ZNF124: variants seen among roughly 807,000 people sequenced by gnomAD.
ZNF124 encodes the protein zinc finger protein HZF-16.
A neutral mutation model predicts 26.6 loss-of-function variants in ZNF124; 25 were observed. That is an observed-to-expected ratio of 0.94 (90% CI 0.68 to 1.31). The LOEUF (loss-of-function observed/expected upper bound fraction) is 1.31. ZNF124 is among the 40% of genes most tolerant of loss of function. The probability of loss-of-function intolerance (pLI) is 0.00; values close to 1 mark genes in which losing one functional copy is unlikely to be tolerated. For synonymous variants in ZNF124, 129 were observed against 133.3 expected (o/e 0.97, Z 0.22); for missense variants, 444 against 422.2 (o/e 1.05, Z -0.45).
rs186360723 is a variant in ZNF124 at position 247,144,813 on chromosome 1, T to C, written c.218+14193A>G. 5.3e-4 allele frequency among the ~76,000 whole-genome samples: 81 copies of C among 151,628 alleles called. 1 individual carries two copies. The East Asian group carries it at 0.014, about 26-fold the overall frequency. On this transcript the variant is annotated intron_variant, in intron 3 of 3. Coordinates refer to the ZNF124 transcript ENST00000472531. ...TTTTTTGAGACAGAGTCTCGCTCTG[T>C]CTCCCAGGCTGGAGTGCAGTGGCCC...
chr1:247,136,025 T>A (rs912657856), intron 3 of ZNF124, among the ~76,000 whole-genome samples: 3 of 152,138 alleles, frequency 2.0e-5, no homozygotes, highest in African/African-American at 7.2e-5. Flanking sequence ...ATGGAACATA[T>A]CTCAAAATAA....
Position 247,168,900 on chromosome 1 carries a change from C to T in ZNF124, c.30+2948G>A, listed in dbSNP as rs1044055055. Among the ~76,000 whole-genome samples the T allele has an allele frequency of 1.3e-5, 2 of 152,034 alleles. No individual in the cohort carries two copies. The highest frequency in any genetic ancestry group is 2.9e-5 in the Non-Finnish European group (2 of 68,004). ...GACTGCATATTGGGTACAGCGTACA[C>T]TGATAAGGTGACAGGACCAAAATCT... On this transcript the variant is annotated intron_variant, in intron 1 of 3. Coordinates refer to ENST00000543802, the MANE Select transcript of ZNF124 (RefSeq NM_001297568.2). This position sits in a 1 kb window ranked among gnomAD's most constrained non-coding sequence, Gnocchi z 4.0.
At chr1:247,135,434 A>C (rs979077483) in intron 3 of ZNF124, among the ~76,000 whole-genome samples, 1 of 152,212 alleles carries the variant, frequency 6.6e-6, no homozygotes, top group Non-Finnish European at 1.5e-5. Flanking sequence ...TAGAAAATCT[A>C]GAAGAAATGG....
At position 247,123,594 on chromosome 1, in the gene ZNF124, A is replaced by G. The variant is rs574680819; in HGVS notation, c.*274T>C. 169 of 445,384 alleles carry G rather than the reference A, an allele frequency of 3.8e-4. 1 individual carries two copies. The Middle Eastern group carries it at 0.011, about 28-fold the overall frequency. The allele number at this position is 445,384 out of a possible 1,614,324, so 27.6% of individuals were successfully genotyped here. On this transcript the variant is annotated 3_prime_UTR_variant, in exon 4 of 4. Coordinates refer to the ZNF124 transcript ENST00000472531. The stretch of plus-strand genomic sequence containing the variant: ...ATCGACCATTTCCTCAGGTTATTCC[A>G]AGTTCTTCCAAGATGCGTCAGAAGC...
intron 2 of ZNF124, 54 bp from the exon 3 acceptor site, chr1:247,159,120 T>TA: frequency 6.5e-7 from 1 of 1,527,168 alleles, no homozygotes; most frequent in South Asian, 1.2e-5. Context: ...ATAGAAAAAT[T>TA]ACTAGACTCT....
intron 3 of ZNF124, among the ~76,000 whole-genome samples, chr1:247,140,590 G>A (rs558191825): frequency 1.3e-5 from 2 of 152,336 alleles, no homozygotes; most frequent in Non-Finnish European, 2.9e-5. Context: ...TCTCATGTCT[G>A]CAGGTGGGTG....
intron 1 of ZNF124, among the ~76,000 whole-genome samples, chr1:247,163,617 AT>A (rs1408325923): frequency 6.6e-6 from 1 of 152,196 alleles, no homozygotes; most frequent in Admixed American, 6.5e-5. Context: ...GAACAGAAAA[AT>A]GAGCTCTGAA....
chr1:247,170,402 C>CT (rs1374664057), intron 1 of ZNF124, among the ~76,000 whole-genome samples: 1 of 150,528 alleles, frequency 6.6e-6, no homozygotes, highest in Admixed American at 6.8e-5. Context: ...TAGAATTTTA[C>CT]TGCAAGTTCT....
rs530218874 is a variant in ZNF124 at position 247,161,021 on chromosome 1, C to T, written c.31-1208G>A. On this transcript the variant is annotated intron_variant, in intron 1 of 3. Coordinates refer to ENST00000543802, the MANE Select transcript of ZNF124 (RefSeq NM_001297568.2). ...AATGTCATCTAGATGTCACCTCTTA[C>T]AAATGATATTTATGTAAAATTTCAT... 2.0e-5 allele frequency among the ~76,000 whole-genome samples: 3 copies of T among 152,298 alleles called. No homozygotes were observed. In the East Asian group the frequency reaches 5.8e-4, roughly 29 times the overall value.
At chr1:247,136,877 T>G (rs4105113) in intron 3 of ZNF124, among the ~76,000 whole-genome samples, 72,764 of 151,216 alleles carry the variant, frequency 0.48, 20,947 homozygotes, top group African/African-American at 0.81. Context: ...ATCCCAGGAG[T>G]TGGAAGTTGC....
chr1:247,122,972 A>T (rs1044133370), exon 4 of ZNF124: 6 of 152,228 alleles, frequency 3.9e-5, no homozygotes, highest in African/African-American at 1.4e-4. Flanking sequence ...CTATCAGCTT[A>T]CTATTTCCTC....
downstream of ZNF124, among the ~76,000 whole-genome samples, chr1:247,154,246 C>G (rs938794174): frequency 1.3e-5 from 2 of 152,128 alleles, no homozygotes; most frequent in Non-Finnish European, 2.9e-5. Flanking sequence ...ACGGTTTCCC[C>G]CGTGCTGTTC....
At chr1:247,153,873 G>A (rs1316064754), downstream of ZNF124, among the ~76,000 whole-genome samples, 1 of 152,168 alleles carries the variant, frequency 6.6e-6, no homozygotes, top group Non-Finnish European at 1.5e-5. Flanking sequence ...AGTACTGGGA[G>A]GGGTACTGGG....
chr1:247,133,112 G>A (rs1390307742), intron 3 of ZNF124, among the ~76,000 whole-genome samples: 1 of 152,076 alleles, frequency 6.6e-6, no homozygotes, highest in Non-Finnish European at 1.5e-5. Flanking sequence ...GCACACACAA[G>A]TATCAACAGC....
Position 247,168,140 on chromosome 1 carries a change from G to C in ZNF124, c.30+3708C>G, listed in dbSNP as rs561411252. ...ACTAGTACAACCGCCATGGAAAACAGTATGAAGATTCCTTAAAGAACTAAA... is the reference window on the plus strand; with the variant it reads ...ACTAGTACAACCGCCATGGAAAACACTATGAAGATTCCTTAAAGAACTAAA... On this transcript the variant is annotated intron_variant, in intron 1 of 3. Coordinates refer to ENST00000543802, the MANE Select transcript of ZNF124 (RefSeq NM_001297568.2). The surrounding 1 kb of genome is among the most constrained non-coding windows in gnomAD (Gnocchi z 4.0). Among the ~76,000 whole-genome samples the C allele has an allele frequency of 3.3e-5, 5 of 152,294 alleles. No individual in the cohort carries two copies. In the East Asian group the frequency reaches 9.6e-4, roughly 29 times the overall value.
downstream of ZNF124, among the ~76,000 whole-genome samples, chr1:247,152,124 A>G (rs1333585180): frequency 6.7e-6 from 1 of 149,442 alleles, no homozygotes; most frequent in African/African-American, 2.4e-5. Flanking sequence ...ATATGGTGCT[A>G]TCCACTTAGG....
chr1:247,152,535 A>T, downstream of ZNF124, among the ~76,000 whole-genome samples: 1 of 152,130 alleles, frequency 6.6e-6, no homozygotes, highest in East Asian at 1.9e-4. Flanking sequence ...TAGTTGGATA[A>T]ATTAACCACG....
chr1:247,126,310 T>A (rs549282116), intron 3 of ZNF124, among the ~76,000 whole-genome samples: 51 of 107,750 alleles, frequency 4.7e-4, no homozygotes, highest in African/African-American at 2.0e-3. Flanking sequence ...CTGTCACCTG[T>A]CACTAAGAGT....
chr1:247,145,487 C>T (rs1006773548), intron 3 of ZNF124, among the ~76,000 whole-genome samples: 13 of 152,226 alleles, frequency 8.5e-5, no homozygotes, highest in African/African-American at 2.6e-4. Context: ...GGGCCTCCCA[C>T]ACTGTGAGAC....
Sources: allele counts gnomAD v4.1 joint callset (sites outside exome capture counted in the v4.1 genomes callset), GRCh38; gene constraint gnomAD v4.1.1; non-coding constraint Gnocchi (gnomAD v3.1); transcripts MANE v1.5; gene names NCBI Gene and HGNC (gene_info 2026-07-23, HGNC 2026-07-21).